Variants in GABPB2 observed in about 807,000 individuals in gnomAD.
GABPB2 encodes the protein GA binding protein transcription factor subunit beta 2.
In GABPB2, 23 loss-of-function variants were observed where a neutral mutation model predicts 39.1. The observed-to-expected ratio is 0.59, with a 90% CI of 0.42 to 0.83. GABPB2 has a LOEUF of 0.83. GABPB2 is among the 40% of genes least tolerant of loss of function. GABPB2 has a pLI of 0.00. For synonymous variants in GABPB2, 184 were observed against 199.3 expected (o/e 0.92, Z 0.65); for missense variants, 467 against 541.1 (o/e 0.86, Z 1.36).
chr1:151,070,922 C>A lies in GABPB2; in HGVS notation c.-13C>A, dbSNP rs1026466473. The A allele has an allele frequency of 6.6e-6, 1 of 152,184 alleles. No homozygotes were observed. Among genetic ancestry groups the A allele is most frequent in the Non-Finnish European group, 1.5e-5 (1 of 68,060 alleles). 9.4% of individuals were successfully genotyped at this position (152,184 alleles called of 1,614,324 possible). A position where few individuals can be genotyped will look rare whatever the true frequency, so the allele number is the denominator to read the frequency against. ...TCCGTGGAAGCGTGGCCGGCAGCGT[C>A]CCGGACGAGGAGGTGAGGAGGAAAG... On this transcript the variant is annotated 5_prime_UTR_variant, in exon 1 of 9. Coordinates refer to ENST00000368918, the MANE Select transcript of GABPB2 (RefSeq NM_144618.3).
At chr1:151,117,806 A>T in intron 8 of GABPB2, 151 bp from the exon 9 acceptor site, 1 of 818,804 alleles carries the variant, frequency 1.2e-6, no homozygotes. Flanking sequence ...TTGGTCTCGA[A>T]CTCTTGACCT....
At chr1:151,087,064 A>G (rs1426011580) in intron 1 of GABPB2, among the ~76,000 whole-genome samples, 1 of 151,922 alleles carries the variant, frequency 6.6e-6, no homozygotes, top group Non-Finnish European at 1.5e-5. Flanking sequence ...TATGTCGGCC[A>G]GGCTGGTCTC....
intron 7 of GABPB2, among the ~76,000 whole-genome samples, chr1:151,116,100 G>A (rs903050649): frequency 2.0e-5 from 3 of 147,780 alleles, no homozygotes; most frequent in Non-Finnish European, 3.0e-5. Flanking sequence ...GAGACTTCTC[G>A]ATAAAAAAAG....
In GABPB2 at chr1:151,074,957, A is replaced by C. The variant is rs587722716; in HGVS notation, c.-1+4023A>C. On this transcript the variant is annotated intron_variant, in intron 1 of 8. Transcript: ENST00000368918. ...GGAGTTCAAGACCAGCCTGGCCAAC[A>C]TGGTGAAACCCTGTCTCTACTAAAA... Among the ~76,000 whole-genome samples, 228 of 152,186 alleles carry C rather than the reference A, an allele frequency of 1.5e-3. 1 individual carries two copies. The highest frequency in any genetic ancestry group is 1.9e-3 in the Non-Finnish European group (132 of 68,008).
At chr1:151,071,206 G>A (rs587611346) in intron 1 of GABPB2, among the ~76,000 whole-genome samples, 1 of 152,290 alleles carries the variant, frequency 6.6e-6, no homozygotes, top group South Asian at 2.1e-4. Flanking sequence ...AGCCCAGGCC[G>A]CGGAGGTGAC....
At position 151,119,812 on chromosome 1, in the gene GABPB2, T is replaced by G. The variant is rs1681111917; in HGVS notation, c.*1556T>G. On this transcript the variant is annotated 3_prime_UTR_variant, in exon 9 of 9. Coordinates refer to ENST00000368918, the MANE Select transcript of GABPB2 (RefSeq NM_144618.3). ...GGCACCTGCCTGTAATCCCAGCTAC[T>G]TGGGAGGCTGAGGCAGGAGAATCGC... 6.6e-6 allele frequency: 1 copy of G among 152,556 alleles called. No homozygotes were observed. Among genetic ancestry groups the G allele is most frequent in the Non-Finnish European group, 1.5e-5 (1 of 68,468 alleles). 9.5% of individuals were successfully genotyped at this position (152,556 alleles called of 1,614,324 possible).
chr1:151,117,653 A>G, intron 8 of GABPB2, 137 bp downstream of exon 8: 3 of 920,928 alleles, frequency 3.3e-6, no homozygotes, highest in Non-Finnish European at 3.2e-6. Flanking sequence ...GCATGATCTC[A>G]GCTCACTGCA....
In GABPB2 at chr1:151,111,305, G is replaced by A. The variant is rs751823804; in HGVS notation, c.922+4083G>A. 3.3e-5 allele frequency among the ~76,000 whole-genome samples: 5 copies of A among 151,008 alleles called. No homozygotes were observed. In the East Asian group the frequency reaches 7.8e-4, roughly 23 times the overall value. On this transcript the variant is annotated intron_variant, in intron 7 of 8. Coordinates refer to ENST00000368918, the MANE Select transcript of GABPB2 (RefSeq NM_144618.3). Reference sequence around the variant, plus strand: ...GTCACCCAGGCTAGAGTGCAGTGGCGCAATCTCGGCTCACTGCAACCTCCA... The same window carrying A: ...GTCACCCAGGCTAGAGTGCAGTGGCACAATCTCGGCTCACTGCAACCTCCA...
chr1:151,078,272 GAAAA>G (rs749005394), intron 1 of GABPB2, among the ~76,000 whole-genome samples: 3 of 95,206 alleles, frequency 3.2e-5, no homozygotes, highest in African/African-American at 1.3e-4. Flanking sequence ...ACTTCAACTC[GAAAA>G]AAAAAAAAAA....
At position 151,122,571 on chromosome 1, in the gene GABPB2, G is replaced by A. The variant is rs1681221397; in HGVS notation, c.*4315G>A. The A allele has an allele frequency of 6.6e-6, 1 of 152,198 alleles. No individual in the cohort carries two copies. The highest frequency in any genetic ancestry group is 1.9e-4 in the East Asian group (1 of 5,184). The allele number at this position is 152,198 out of a possible 1,614,324, so 9.4% of individuals were successfully genotyped here. On this transcript the variant is annotated 3_prime_UTR_variant, in exon 9 of 9. Transcript: ENST00000368918. Reference sequence around the variant, plus strand: ...TCCCCCACACCTCGCCCATTAAGGGGAAGGAGGTTAACTCTGCAGATGATA... The same window carrying A: ...TCCCCCACACCTCGCCCATTAAGGGAAAGGAGGTTAACTCTGCAGATGATA...
chr1:151,085,931 A>G (rs758216863), intron 1 of GABPB2, among the ~76,000 whole-genome samples: 3 of 152,120 alleles, frequency 2.0e-5, no homozygotes, highest in Admixed American at 6.6e-5. Context: ...TGGGTACAAT[A>G]TAATTGTCAT....
At chr1:151,117,107 G>A (rs1173052546) in intron 7 of GABPB2, among the ~76,000 whole-genome samples, 5 of 151,998 alleles carry the variant, frequency 3.3e-5, no homozygotes, top group Admixed American at 2.0e-4. Context: ...CTGTTGATTC[G>A]AAAATTCAAA....
In GABPB2 at chr1:151,120,266, G is replaced by A. The variant is rs1395649236; in HGVS notation, c.*2010G>A. On this transcript the variant is annotated 3_prime_UTR_variant, in exon 9 of 9. Coordinates refer to ENST00000368918, the MANE Select transcript of GABPB2 (RefSeq NM_144618.3). ...AGGCGGTAGAATCACTTGAACCCAG[G>A]TGACAGAGGTTGCAGTGATCCAAGA... 1.3e-5 allele frequency: 2 copies of A among 152,114 alleles called. No homozygotes were observed. Among genetic ancestry groups the A allele is most frequent in the Admixed American group, 6.6e-5 (1 of 15,260 alleles). 9.4% of individuals were successfully genotyped at this position (152,114 alleles called of 1,614,324 possible).
intron 5 of GABPB2, among the ~76,000 whole-genome samples, chr1:151,101,370 T>G (rs1226781895): frequency 1.3e-5 from 2 of 151,350 alleles, no homozygotes; most frequent in Non-Finnish European, 2.9e-5. Context: ...AGGTCAGGAG[T>G]TCGAGACCAG....
chr1:151,102,566 C>G (rs1436047839), intron 5 of GABPB2, among the ~76,000 whole-genome samples: 2 of 151,962 alleles, frequency 1.3e-5, no homozygotes, highest in African/African-American at 2.4e-5. Flanking sequence ...CCTCAGCCTC[C>G]TGAGTAGCTG....
chr1:151,110,635 CT>C (rs1302049170), intron 7 of GABPB2, among the ~76,000 whole-genome samples: 1 of 151,888 alleles, frequency 6.6e-6, no homozygotes, highest in Non-Finnish European at 1.5e-5. Context: ...TAATTTTTTA[CT>C]TTTTCGTAGA....
At chr1:151,109,785 T>G (rs367719170) in intron 7 of GABPB2, among the ~76,000 whole-genome samples, 1 of 151,762 alleles carries the variant, frequency 6.6e-6, no homozygotes, top group African/African-American at 2.4e-5. Flanking sequence ...CCTTCTCACC[T>G]CAGCCTCCCA....
intron 1 of GABPB2, among the ~76,000 whole-genome samples, chr1:151,076,704 A>G (rs1677193981): frequency 1.3e-5 from 2 of 152,082 alleles, no homozygotes; most frequent in African/African-American, 4.8e-5. Context: ...TGCTGGGATT[A>G]CAGGTGTGAG....
At chr1:151,110,005 ATTTTTTTTTTTTTTTTTTTTTTT>A (rs71577269) in intron 7 of GABPB2, among the ~76,000 whole-genome samples, 29 of 60,762 alleles carry the variant, frequency 4.8e-4, no homozygotes, top group African/African-American at 1.4e-3. Context: ...TGCCCAGCTA[ATTTTTTTTTTTTTTTTTTTTTTT>A]TTTTTTTTTT....
Sources: allele counts gnomAD v4.1 joint callset (sites outside exome capture counted in the v4.1 genomes callset), GRCh38; gene constraint gnomAD v4.1.1; transcripts MANE v1.5; gene names NCBI Gene and HGNC (gene_info 2026-07-23, HGNC 2026-07-21).